COG5: variants seen among roughly 807,000 people sequenced by gnomAD.
COG5 encodes the protein component of oligomeric golgi complex 5.
A neutral mutation model predicts 110.4 loss-of-function variants in COG5; 86 were observed. The observed-to-expected ratio is 0.78, with a 90% CI of 0.65 to 0.93. The LOEUF is 0.93. Ranked by LOEUF, COG5 falls within the 40% of genes least tolerant of loss-of-function variation. The pLI, the probability that COG5 is intolerant of heterozygous loss-of-function variation, is 0.00. For missense variants in COG5, 1,077 were observed against 987.0 expected (o/e 1.09, Z -1.22); for synonymous variants, 360 against 334.6 (o/e 1.08, Z -0.83).
chr7:107,414,795 C>G (rs542861701), intron 6 of COG5, among the ~76,000 whole-genome samples: 1 of 135,422 alleles, frequency 7.4e-6, no homozygotes, highest in East Asian at 2.5e-4. Context: ...GGTGCGATCT[C>G]GGCTCACTGC....
chr7:107,388,686 T>G (rs965436816), intron 7 of COG5, among the ~76,000 whole-genome samples: 6 of 152,186 alleles, frequency 3.9e-5, no homozygotes, highest in Non-Finnish European at 8.8e-5. Context: ...ACCTGCAGTT[T>G]CATGGAAAGA....
chr7:107,392,786 T>A (rs1434988551), intron 7 of COG5, among the ~76,000 whole-genome samples: 1 of 152,156 alleles, frequency 6.6e-6, no homozygotes, highest in African/African-American at 2.4e-5. Flanking sequence ...TAGAGGGGAC[T>A]GATGAAACCT....
At chr7:107,513,005 A>C (rs1166471379) in intron 6 of COG5, among the ~76,000 whole-genome samples, 3 of 152,164 alleles carry the variant, frequency 2.0e-5, no homozygotes, top group African/African-American at 7.2e-5. Context: ...TTCATGTCTA[A>C]AACACCAAAA....
chr7:107,320,034 A>G lies in COG5; in HGVS notation c.1108+4406T>C, dbSNP rs549365149. On this transcript the variant is annotated intron_variant, in intron 11 of 21. Transcript: ENST00000297135. Reference sequence around the variant, plus strand: ...TATAATTCTTTAGAAAAGAGTGAACACTCTGATGTTGTAGAGTGTGACATG... The same window carrying G: ...TATAATTCTTTAGAAAAGAGTGAACGCTCTGATGTTGTAGAGTGTGACATG... Among the ~76,000 whole-genome samples, 4 of 152,246 alleles carry G rather than the reference A, an allele frequency of 2.6e-5. No homozygotes were observed. The South Asian group carries it at 8.3e-4, about 32-fold the overall frequency.
intron 7 of COG5, among the ~76,000 whole-genome samples, chr7:107,384,594 C>T (rs185141841): frequency 1.7e-4 from 26 of 152,220 alleles, no homozygotes; most frequent in African/African-American, 3.9e-4. Context: ...GGCCATGGGA[C>T]GAACAAGGAC....
intron 14 of COG5, 108 bp from the exon 15 acceptor site, chr7:107,258,491 G>C (rs914228195): frequency 1.3e-6 from 1 of 756,680 alleles, no homozygotes; most frequent in African/African-American, 1.7e-5. Context: ...TTCTTTAACC[G>C]GGGAGAAGTT....
chr7:107,245,021 G>A (rs1054462103), intron 17 of COG5, among the ~76,000 whole-genome samples: 1 of 151,676 alleles, frequency 6.6e-6, no homozygotes, highest in Non-Finnish European at 1.5e-5. Flanking sequence ...CAGGCCAATC[G>A]AGTAGGCTTC....
In COG5 at chr7:107,548,303, C is replaced by G; in HGVS notation, c.322G>C (p.Gly108Arg). 1 of 1,613,824 alleles carries G rather than the reference C, an allele frequency of 6.2e-7. No individual in the cohort carries two copies. The highest frequency in any genetic ancestry group is 8.5e-7 in the Non-Finnish European group (1 of 1,179,784). ...CTATCAACAGCTCCCTGTAAAGCCC[C>G]AATTCTCGTCTGCATCATCTGAAGA... ...GVLQMMQTRI[G>R]ALQGAVDRIK... Residue 108 changes from glycine to arginine, a missense_variant, in exon 4 of 22, where the codon GGG becomes CGG. Gly to Arg is a moderately radical substitution (Grantham distance 125, BLOSUM62 -2). Transcript: ENST00000297135.
At position 107,203,463 on chromosome 7, in the gene COG5, G is replaced by T; in HGVS notation, c.*53C>A. 8.2e-7 allele frequency: 1 copy of T among 1,213,408 alleles called. No individual in the cohort carries two copies. Among genetic ancestry groups the T allele is most frequent in the Non-Finnish European group, 1.2e-6 (1 of 814,700 alleles). 75.2% of individuals were successfully genotyped at this position (1,213,408 alleles called of 1,614,324 possible). A position where few individuals can be genotyped will look rare whatever the true frequency, so the allele number is the denominator to read the frequency against. On this transcript the variant is annotated 3_prime_UTR_variant, in exon 22 of 22. Transcript: ENST00000297135. ...AGTCTTTTGGAGTATGTGTTTAACT[G>T]CCAACTATGAATGGGTTAGCACAAA... is the stretch of plus-strand genomic sequence containing the variant.
At chr7:107,450,685 A>G (rs969885913) in intron 6 of COG5, among the ~76,000 whole-genome samples, 2 of 152,238 alleles carry the variant, frequency 1.3e-5, no homozygotes, top group Non-Finnish European at 2.9e-5. Flanking sequence ...GCTTATGATC[A>G]GGAGGATTGT....
intron 5 of COG5, among the ~76,000 whole-genome samples, chr7:107,535,027 G>A (rs1436630993): frequency 3.3e-5 from 5 of 151,496 alleles, no homozygotes; most frequent in East Asian, 1.9e-4. Context: ...TCTCAAAACC[G>A]CACAACTATA....
At chr7:107,428,695 T>G (rs552231577) in intron 6 of COG5, among the ~76,000 whole-genome samples, 14 of 152,190 alleles carry the variant, frequency 9.2e-5, no homozygotes, top group Non-Finnish European at 1.9e-4. Flanking sequence ...TCTGTTATAT[T>G]CATTTTTTTT....
At chr7:107,515,030 G>A (rs1799816221) in intron 6 of COG5, among the ~76,000 whole-genome samples, 1 of 152,076 alleles carries the variant, frequency 6.6e-6, no homozygotes, top group Non-Finnish European at 1.5e-5. Context: ...TCACTCTGTA[G>A]GAGATTCTAA....
At chr7:107,222,961 T>G (rs1800055021) in intron 19 of COG5, among the ~76,000 whole-genome samples, 1 of 152,150 alleles carries the variant, frequency 6.6e-6, no homozygotes. Flanking sequence ...GCTGTCAGTC[T>G]TCTGACAGCT....
chr7:107,450,877 G>T (rs1320198768), intron 6 of COG5, among the ~76,000 whole-genome samples: 1 of 152,058 alleles, frequency 6.6e-6, no homozygotes, highest in Non-Finnish European at 1.5e-5. Flanking sequence ...ATCAGACAAC[G>T]CCCTGGCCAC....
At chr7:107,516,804 A>G (rs1799953978) in intron 6 of COG5, among the ~76,000 whole-genome samples, 1 of 152,144 alleles carries the variant, frequency 6.6e-6, no homozygotes, top group Non-Finnish European at 1.5e-5. Flanking sequence ...ACAGAAAGCA[A>G]CAACAACAAC....
At chr7:107,255,073 G>A (rs1802781867) in intron 16 of COG5, among the ~76,000 whole-genome samples, 1 of 152,138 alleles carries the variant, frequency 6.6e-6, no homozygotes, top group Non-Finnish European at 1.5e-5. Flanking sequence ...TATTACGTAT[G>A]AGGGCACAAA....
intron 7 of COG5, among the ~76,000 whole-genome samples, chr7:107,409,160 G>A (rs377346978): frequency 7.0e-6 from 1 of 142,248 alleles, no homozygotes; most frequent in East Asian, 2.0e-4. Flanking sequence ...GTCACACAGA[G>A]AGAGCACAAA....
Position 107,454,749 on chromosome 7 carries a change from G to A in COG5, c.539-42117C>T, listed in dbSNP as rs116257382. ...TGCTGGTTAGGACAGCAGCTGTGTT[G>A]AAGCTCAGAAAAGACATGGGTTGGC... On this transcript the variant is annotated intron_variant, in intron 6 of 21. Transcript: ENST00000297135. 1.8e-3 allele frequency among the ~76,000 whole-genome samples: 269 copies of A among 152,220 alleles called. 2 individuals carry two copies. Among genetic ancestry groups the A allele is most frequent in the African/African-American group, 6.4e-3 (265 of 41,536 alleles).
Sources: gnomAD v4.1 joint callset for allele counts (sites outside exome capture counted in the v4.1 genomes callset) on GRCh38, gnomAD v4.1.1 for gene constraint, MANE v1.5 for transcripts, NCBI Gene and HGNC (gene_info 2026-07-23, HGNC 2026-07-21) for gene names.